The following KCND3 variants were observed in gnomAD, a reference collection of about 807,000 sequenced individuals.
KCND3 encodes A-type voltage-gated potassium channel KCND3.
A neutral mutation model predicts 51.1 loss-of-function variants in KCND3; 9 were observed. That is an observed-to-expected ratio of 0.18 (90% CI 0.11 to 0.31). The LOEUF is 0.31. Ranked by LOEUF, KCND3 falls within the 10% of genes least tolerant of loss-of-function variation. KCND3 has a pLI of 1.00. For missense variants in KCND3, 526 were observed against 903.8 expected (o/e 0.58, Z 5.36); for synonymous variants, 349 against 368.0 (o/e 0.95, Z 0.59).
chr1:111,984,872 T>A (rs1041690722), intron 1 of KCND3, among the ~76,000 whole-genome samples: 1 of 152,144 alleles, frequency 6.6e-6, no homozygotes, highest in Non-Finnish European at 1.5e-5. Context: ...TGATGCTTCC[T>A]CCTCTCCTCA....
intron 2 of KCND3, among the ~76,000 whole-genome samples, chr1:111,807,356 G>A (rs367649408): frequency 4.6e-5 from 7 of 152,190 alleles, no homozygotes; most frequent in African/African-American, 1.7e-4. Context: ...TTACCATTGT[G>A]TTACAGTTGT....
chr1:111,888,919 G>T (rs1407586043), intron 2 of KCND3, among the ~76,000 whole-genome samples: 2 of 152,092 alleles, frequency 1.3e-5, no homozygotes, highest in Admixed American at 6.5e-5. Context: ...GCTGTCTGAA[G>T]TCCCTTTGGA....
At chr1:111,841,023 A>G (rs1667298913) in intron 2 of KCND3, among the ~76,000 whole-genome samples, 2 of 152,258 alleles carry the variant, frequency 1.3e-5, no homozygotes, top group Admixed American at 1.3e-4. Flanking sequence ...AATGAAGTCT[A>G]GACTCAGTTC....
chr1:111,963,486 T>A (rs946952674), intron 2 of KCND3, among the ~76,000 whole-genome samples: 1 of 152,228 alleles, frequency 6.6e-6, no homozygotes, highest in Admixed American at 6.5e-5. Flanking sequence ...GGGATGATAG[T>A]AATGCCTACT....
chr1:111,854,405 A>AC (rs140982732), intron 2 of KCND3, among the ~76,000 whole-genome samples: 2,244 of 152,032 alleles, frequency 0.015, 61 homozygotes, highest in African/African-American at 0.051. Context: ...CATCAGGGAG[A>AC]CCCCCTGGGC....
chr1:111,815,961 C>T (rs1254905178), intron 2 of KCND3, among the ~76,000 whole-genome samples: 3 of 152,068 alleles, frequency 2.0e-5, no homozygotes, highest in African/African-American at 4.8e-5. Flanking sequence ...CCTAGGACCC[C>T]GGGGAGGAAA....
At chr1:111,920,559 C>G (rs1671429372) in intron 2 of KCND3, among the ~76,000 whole-genome samples, 1 of 152,234 alleles carries the variant, frequency 6.6e-6, no homozygotes, top group Non-Finnish European at 1.5e-5. Context: ...TCTCTTGCTG[C>G]TGAAAACCCC....
At chr1:111,867,543 C>T (rs1455598142) in intron 2 of KCND3, among the ~76,000 whole-genome samples, 1 of 152,174 alleles carries the variant, frequency 6.6e-6, no homozygotes, top group Non-Finnish European at 1.5e-5. Flanking sequence ...TATGGGAACA[C>T]CTGTATTTCC....
At position 111,775,881 on chromosome 1, in the gene KCND3, C is replaced by T. The variant is rs1664082398; in HGVS notation, c.*196G>A. ...AGATGCAGTATCACAGGGCTATGTC[C>T]ACGCTAGCAGCGTGAACCTCAGGTG... On this transcript the variant is annotated 3_prime_UTR_variant, in exon 8 of 8. Transcript: ENST00000302127. 2.5e-6 allele frequency: 1 copy of T among 404,948 alleles called. No individual in the cohort carries two copies. The highest frequency in any genetic ancestry group is 2.1e-5 in the African/African-American group (1 of 46,600). 25.1% of individuals were successfully genotyped at this position (404,948 alleles called of 1,614,324 possible).
intron 2 of KCND3, among the ~76,000 whole-genome samples, chr1:111,868,923 G>C (rs967732200): frequency 2.0e-5 from 3 of 151,942 alleles, no homozygotes; most frequent in Non-Finnish European, 2.9e-5. Context: ...TTTTATTTTT[G>C]GTAGAGATGG....
At chr1:111,884,951 C>G (rs1276507193) in intron 2 of KCND3, among the ~76,000 whole-genome samples, 1 of 152,262 alleles carries the variant, frequency 6.6e-6, no homozygotes, top group Admixed American at 6.5e-5. Flanking sequence ...TGTTCAGCAG[C>G]ACCCTGGCCT....
chr1:111,956,406 G>A (rs1673344193), intron 2 of KCND3, among the ~76,000 whole-genome samples: 1 of 152,176 alleles, frequency 6.6e-6, no homozygotes, highest in Non-Finnish European at 1.5e-5. Context: ...ACTGACAAGA[G>A]GTTGCATCTT....
At chr1:111,865,100 C>A (rs914194832) in intron 2 of KCND3, among the ~76,000 whole-genome samples, 6 of 152,190 alleles carry the variant, frequency 3.9e-5, no homozygotes, top group African/African-American at 1.4e-4. Context: ...TAAGGCCCCA[C>A]TATCAGGTAG....
chr1:111,829,289 T>C (rs1666722424), intron 2 of KCND3, among the ~76,000 whole-genome samples: 1 of 152,114 alleles, frequency 6.6e-6, no homozygotes, highest in African/African-American at 2.4e-5. Context: ...TAGGTGGATG[T>C]TTCTGATGAG....
intron 2 of KCND3, among the ~76,000 whole-genome samples, chr1:111,818,274 C>T (rs879465603): frequency 2.6e-5 from 4 of 152,202 alleles, no homozygotes; most frequent in Admixed American, 6.5e-5. Context: ...GATCTGCCTG[C>T]GCCAGGGCCC....
At chr1:111,852,638 G>A (rs955902833) in intron 2 of KCND3, among the ~76,000 whole-genome samples, 4 of 152,316 alleles carry the variant, frequency 2.6e-5, no homozygotes, top group African/African-American at 9.6e-5. Flanking sequence ...ATATGGCAGC[G>A]CACCTCCAGA....
intron 2 of KCND3, among the ~76,000 whole-genome samples, chr1:111,858,150 T>C (rs1355213118): frequency 6.6e-6 from 1 of 152,186 alleles, no homozygotes; most frequent in African/African-American, 2.4e-5. Flanking sequence ...GGCCTCCTTC[T>C]CACCCGTGCC....
At chr1:111,920,742 G>A (rs907262737) in intron 2 of KCND3, among the ~76,000 whole-genome samples, 1 of 152,198 alleles carries the variant, frequency 6.6e-6, no homozygotes, top group Non-Finnish European at 1.5e-5. Context: ...TCAAGCCACC[G>A]GTAGCTCTGT....
intron 2 of KCND3, among the ~76,000 whole-genome samples, chr1:111,818,031 C>T (rs1666173432): frequency 7.5e-6 from 1 of 132,596 alleles, no homozygotes; most frequent in Admixed American, 8.2e-5. Flanking sequence ...CCCATAGGCA[C>T]ACGCGCGTGC....
Sources: gnomAD v4.1 joint callset for allele counts (sites outside exome capture counted in the v4.1 genomes callset) on GRCh38, gnomAD v4.1.1 for gene constraint, MANE v1.5 for transcripts, NCBI Gene and HGNC (gene_info 2026-07-23, HGNC 2026-07-21) for gene names.